GSTA4: variants seen among roughly 807,000 people sequenced by gnomAD.
GSTA4 encodes glutathione S-transferase alpha 4, also known as glutathione S-transferase A4.
A neutral mutation model predicts 24.4 loss-of-function variants in GSTA4; 15 were observed. The observed-to-expected ratio is 0.61, with a 90% CI of 0.41 to 0.95. The LOEUF (loss-of-function observed/expected upper bound fraction) is 0.95. Among genes scored for constraint, GSTA4 ranks in the 40% least tolerant of loss-of-function variants. GSTA4 has a pLI of 0.00. For synonymous variants in GSTA4, 92 were observed against 94.2 expected (o/e 0.98, Z 0.13); for missense variants, 244 against 262.1 (o/e 0.93, Z 0.48).
At chr6:52,994,443 A>C in intron 1 of GSTA4, 182 bp from the exon 2 acceptor site, 1 of 546,726 alleles carries the variant, frequency 1.8e-6, no homozygotes, top group Admixed American at 3.2e-5. Context: ...TGGAGAAAAA[A>C]ACCTTGGCTT....
At chr6:52,991,641 G>A (rs539964883) in intron 2 of GSTA4, among the ~76,000 whole-genome samples, 10 of 152,308 alleles carry the variant, frequency 6.6e-5, no homozygotes, top group Admixed American at 2.0e-4. Flanking sequence ...AACACCTGGA[G>A]GGTAAGTAAA....
chr6:52,992,215 A>T (rs1763674701), intron 2 of GSTA4, among the ~76,000 whole-genome samples: 1 of 152,242 alleles, frequency 6.6e-6, no homozygotes, highest in South Asian at 2.1e-4. Flanking sequence ...AAAGAGCACC[A>T]GTGGCTAAAG....
At chr6:52,983,055 C>T (rs1763484985) in intron 5 of GSTA4, among the ~76,000 whole-genome samples, 1 of 152,126 alleles carries the variant, frequency 6.6e-6, no homozygotes, top group Admixed American at 6.6e-5. Flanking sequence ...TATATCTACT[C>T]CAAAAATGTA....
intron 6 of GSTA4, 55 bp downstream of exon 6, chr6:52,982,519 C>CT: frequency 7.1e-7 from 1 of 1,402,162 alleles, no homozygotes; most frequent in African/African-American, 1.4e-5. Context: ...ACAATAGACA[C>CT]TGAAGGAAGG....
intron 2 of GSTA4, among the ~76,000 whole-genome samples, chr6:52,988,565 A>T (rs1341306992): frequency 6.6e-6 from 1 of 152,228 alleles, no homozygotes; most frequent in African/African-American, 2.4e-5. Flanking sequence ...AATCAGGTAT[A>T]TTCAGGATGT....
At chr6:52,988,298 G>T (rs1488975175) in intron 2 of GSTA4, among the ~76,000 whole-genome samples, 1 of 149,572 alleles carries the variant, frequency 6.7e-6, no homozygotes, top group African/African-American at 2.5e-5. Flanking sequence ...AAAAAAAAAG[G>T]TAGGAGGAAG....
chr6:52,994,617 G>C (rs1763731048), intron 1 of GSTA4, among the ~76,000 whole-genome samples: 1 of 152,120 alleles, frequency 6.6e-6, no homozygotes, highest in Non-Finnish European at 1.5e-5. Flanking sequence ...GGGGATAGGG[G>C]GTGGCAGGCG....
chr6:52,984,372 TA>T, intron 5 of GSTA4, 91 bp downstream of exon 5: 1 of 1,249,576 alleles, frequency 8.0e-7, no homozygotes, highest in Non-Finnish European at 1.1e-6. Context: ...GGCTCAGTTT[TA>T]AAATCCTTGG....
At chr6:52,984,708 T>C in intron 4 of GSTA4, 103 bp from the exon 5 acceptor site, 1 of 961,856 alleles carries the variant, frequency 1.0e-6, no homozygotes, top group Non-Finnish European at 1.6e-6. Context: ...TTAAAGATGC[T>C]GCAACTTAAG....
At chr6:52,991,615 C>T (rs533113345) in intron 2 of GSTA4, among the ~76,000 whole-genome samples, 1 of 152,268 alleles carries the variant, frequency 6.6e-6, no homozygotes, top group South Asian at 2.1e-4. Flanking sequence ...CTCACTTTAC[C>T]ATGTTACCTC....
chr6:52,994,944 G>GC (rs1763740750), intron 1 of GSTA4: 1 of 152,368 alleles, frequency 6.6e-6, no homozygotes, highest in Admixed American at 6.5e-5. Context: ...CGTAGCGGCA[G>GC]CCCAGCCAGG....
chr6:52,978,313 T>C lies in GSTA4; in HGVS notation c.*157A>G. 1 of 720,020 alleles carries C rather than the reference T, an allele frequency of 1.4e-6. No individual in the cohort carries two copies. Among genetic ancestry groups the C allele is most frequent in the South Asian group, 1.9e-5 (1 of 53,846 alleles). 44.6% of individuals were successfully genotyped at this position (720,020 alleles called of 1,614,324 possible). ...ATTTACTGGACAAAAAAGGTTGATATTTCTAGAAGAGATGATCTCGTTGAC... is the reference window on the plus strand; with the variant it reads ...ATTTACTGGACAAAAAAGGTTGATACTTCTAGAAGAGATGATCTCGTTGAC... On this transcript the variant is annotated 3_prime_UTR_variant, in exon 7 of 7. Transcript: ENST00000370963.
rs1008108286 is a variant in GSTA4, at chr6:52,977,997, A to G, written c.*473T>C. ...ATTTTGGCTAATACTGATTGCATTC[A>G]TTACTACCATTTTATTTATTACAGC... On this transcript the variant is annotated 3_prime_UTR_variant, in exon 7 of 7. Transcript: ENST00000370963. 2.0e-5 allele frequency: 3 copies of G among 153,232 alleles called. No homozygotes were observed. Among genetic ancestry groups the G allele is most frequent in the African/African-American group, 7.2e-5 (3 of 41,462 alleles). The allele number at this position is 153,232 out of a possible 1,614,324, so 9.5% of individuals were successfully genotyped here.
chr6:52,984,764 T>C (rs1324146062), intron 4 of GSTA4, among the ~76,000 whole-genome samples, 159 bp from the exon 5 acceptor site: 1 of 151,068 alleles, frequency 6.6e-6, no homozygotes, highest in East Asian at 2.0e-4. Flanking sequence ...AGCAAAGATA[T>C]AAGGTCAATT....
chr6:52,988,099 G>A (rs1010706219), intron 2 of GSTA4: 2 of 152,160 alleles, frequency 1.3e-5, no homozygotes, highest in South Asian at 2.1e-4. Context: ...GGTCCTATAA[G>A]AGAAGGTTGA....
intron 2 of GSTA4, among the ~76,000 whole-genome samples, chr6:52,989,925 C>G (rs1296626659): frequency 1.3e-5 from 2 of 151,938 alleles, no homozygotes; most frequent in African/African-American, 4.8e-5. Flanking sequence ...TTCACTGCAG[C>G]CTCAACCTCC....
rs773513249 is a variant in GSTA4 at position 52,982,652 on chromosome 6, T to C, written c.468A>G (p.Ala156=). 4.3e-6 allele frequency: 7 copies of C among 1,610,580 alleles called. No individual in the cohort carries two copies. The highest frequency in any genetic ancestry group is 4.0e-5 in the African/African-American group (3 of 74,880). Residue 156 remains alanine (A), a synonymous_variant, in exon 6 of 7, where the codon GCA becomes GCG. Transcript: ENST00000370963. The part of the protein sequence containing the change: ...SFLVGNQLSL[A]DVILLQTILA... ...AAATGGTTTGGAGTAAAATCACATC[T>C]GCAAGGCTCAGCTGATTACCAACAA...
intron 2 of GSTA4, among the ~76,000 whole-genome samples, chr6:52,989,384 C>T (rs1210183099): frequency 6.6e-6 from 1 of 152,174 alleles, no homozygotes; most frequent in Non-Finnish European, 1.5e-5. Flanking sequence ...GATCCAAGAA[C>T]CCTCGGTTGG....
intron 5 of GSTA4, among the ~76,000 whole-genome samples, chr6:52,983,787 C>A (rs1763498155): frequency 6.6e-6 from 1 of 152,112 alleles, no homozygotes; most frequent in South Asian, 2.1e-4. Context: ...GGGAAAGATA[C>A]CATAAAACCT....
Sources: allele counts gnomAD v4.1 joint callset (sites outside exome capture counted in the v4.1 genomes callset), GRCh38; gene constraint gnomAD v4.1.1; transcripts MANE v1.5; gene names NCBI Gene and HGNC (gene_info 2026-07-23, HGNC 2026-07-21).